The following CACNA2D2 variants were observed in gnomAD, a reference collection of about 807,000 sequenced individuals.
The protein encoded by CACNA2D2 is voltage-dependent calcium channel subunit alpha-2/delta-2.
CACNA2D2 carries 48 observed loss-of-function variants against 166.4 expected under a neutral mutation model. The observed-to-expected ratio is 0.29, with a 90% CI of 0.23 to 0.37. The LOEUF (loss-of-function observed/expected upper bound fraction) is 0.37. Ranked by LOEUF, CACNA2D2 falls within the 10% of genes least tolerant of loss-of-function variation. The pLI is 1.00. For missense variants in CACNA2D2, 1,122 were observed against 1,433.0 expected (o/e 0.78, Z 3.50); for synonymous variants, 561 against 573.7 (o/e 0.98, Z 0.32).
At position 50,363,478 on chromosome 3, in the gene CACNA2D2, G is replaced by GTGTGTGTC. The variant is rs2109389236; in HGVS notation, c.*1187_*1188insGACACACA. 2.8e-6 allele frequency: 1 copy of GTGTGTGTC among 351,148 alleles called. No homozygotes were observed. The highest frequency in any genetic ancestry group is 1.1e-4 in the East Asian group (1 of 8,900). The allele number at this position is 351,148 out of a possible 1,614,324, so 21.8% of individuals were successfully genotyped here. On this transcript the variant is annotated 3_prime_UTR_variant, in exon 38 of 38. Coordinates refer to ENST00000424201, the MANE Select transcript of CACNA2D2 (RefSeq NM_006030.4). ...GCCCAGTCCCCACCTGTGTGTGTGT[G>GTGTGTGTC]TGTGTGTGTGTGTTCAGCAAGGGAG...
intron 2 of CACNA2D2, among the ~76,000 whole-genome samples, chr3:50,444,897 G>A (rs1443650365): frequency 6.6e-6 from 1 of 152,170 alleles, no homozygotes; most frequent in Non-Finnish European, 1.5e-5. Flanking sequence ...GCAGCAGCAG[G>A]CACATGCACT....
chr3:50,402,542 C>G (rs1448529412), intron 3 of CACNA2D2, among the ~76,000 whole-genome samples: 2 of 152,224 alleles, frequency 1.3e-5, no homozygotes, highest in African/African-American at 4.8e-5. Context: ...CACATTTGAA[C>G]TGTGGCTTCA....
At chr3:50,433,242 G>A (rs974479461) in intron 3 of CACNA2D2, among the ~76,000 whole-genome samples, 1 of 152,158 alleles carries the variant, frequency 6.6e-6, no homozygotes, top group Admixed American at 6.5e-5. Flanking sequence ...TCATAGAAAT[G>A]GGATCACACA....
At chr3:50,373,054 A>C (rs1704745063) in intron 22 of CACNA2D2, 1 of 1,534,708 alleles carries the variant, frequency 6.5e-7, no homozygotes, top group South Asian at 1.2e-5. Context: ...ACTGGTTCTG[A>C]ATATACTTGC....
chr3:50,461,518 G>A (rs1709580150), intron 2 of CACNA2D2, among the ~76,000 whole-genome samples: 1 of 152,104 alleles, frequency 6.6e-6, no homozygotes, highest in South Asian at 2.1e-4. Context: ...CAGGCAGGTG[G>A]ATCACTTGAG....
In CACNA2D2 at chr3:50,379,502, T is replaced by A; in HGVS notation, c.1082A>T (p.Gln361Leu). 1 of 1,614,026 alleles carries A rather than the reference T, an allele frequency of 6.2e-7. No homozygotes were observed. Among genetic ancestry groups the A allele is most frequent in the Non-Finnish European group, 8.5e-7 (1 of 1,180,044 alleles). Residue 361 changes from glutamine (Q) to leucine (L), a missense_variant, in exon 11 of 38, where the codon CAG (glutamine) becomes CTG (leucine). This residue lies in a region of CACNA2D2 where 840 missense variants were observed against 1,166.8 expected (regional missense o/e 0.72). Transcript: ENST00000424201. This position sits in a 1 kb window ranked among gnomAD's most constrained non-coding sequence, Gnocchi z 6.5. ...RNKKVFKEAV[Q>L]GMVAKGTTGY... ...TGTGGTGCCCTTGGCCACCATGCCC[T>A]GCACAGCTTCCTTGAACACCTTCTT...
At chr3:50,454,178 GCT>G (rs1487541075) in intron 2 of CACNA2D2, among the ~76,000 whole-genome samples, 1 of 152,240 alleles carries the variant, frequency 6.6e-6, no homozygotes, top group Non-Finnish European at 1.5e-5. Context: ...CCTCAGCCAG[GCT>G]CCGGAAGCCT....
intron 2 of CACNA2D2, among the ~76,000 whole-genome samples, chr3:50,470,467 A>G (rs2107059933): frequency 6.6e-6 from 1 of 152,240 alleles, no homozygotes; most frequent in Middle Eastern, 3.4e-3. Flanking sequence ...GTGGAAGGAT[A>G]TGGGCGACCT....
chr3:50,413,880 A>C (rs1322042452), intron 3 of CACNA2D2, among the ~76,000 whole-genome samples: 2 of 138,638 alleles, frequency 1.4e-5, no homozygotes, highest in Non-Finnish European at 3.0e-5. Context: ...CCTCAGCTGC[A>C]TGAAGCAGAA....
At position 50,366,857 on chromosome 3, in the gene CACNA2D2, G is replaced by A. The variant is rs1302325175; in HGVS notation, c.2563C>T (p.Arg855Cys). Residue 855 changes from arginine (R) to cysteine (C), a missense_variant, in exon 29 of 38, where the codon CGT becomes TGT. Arg to Cys is a radical substitution (Grantham distance 180). This residue lies in a region of CACNA2D2 where 840 missense variants were observed against 1,166.8 expected (regional missense o/e 0.72). Coordinates refer to ENST00000424201, the MANE Select transcript of CACNA2D2 (RefSeq NM_006030.4). The surrounding 1 kb of genome is among the most constrained non-coding windows in gnomAD (Gnocchi z 5.9). The stretch of plus-strand genomic sequence containing the variant: ...TTCTGAGGCTGGTCTTGGTGGGTAC[G>A]GTTGCTGGCTAGCACCTTGAACTTC... ...AEKFKVLASN[R>C]THQDQPQKCG... 4 of 1,613,366 alleles carry A rather than the reference G, an allele frequency of 2.5e-6. No individual in the cohort carries two copies. The highest frequency in any genetic ancestry group is 2.2e-5 in the South Asian group (2 of 91,070).
chr3:50,470,262 G>C (rs1710010275), intron 2 of CACNA2D2, among the ~76,000 whole-genome samples: 1 of 152,220 alleles, frequency 6.6e-6, no homozygotes, highest in Non-Finnish European at 1.5e-5. Context: ...AAGAGAGGAG[G>C]CCTGACAGGG....
chr3:50,473,945 A>G (rs1435933844), intron 2 of CACNA2D2, among the ~76,000 whole-genome samples: 1 of 152,240 alleles, frequency 6.6e-6, no homozygotes, highest in Non-Finnish European at 1.5e-5. Flanking sequence ...ACTCCACCAG[A>G]GTGCCAGGAG....
Position 50,378,945 on chromosome 3 carries a change from G to A in CACNA2D2, c.1309C>T (p.Pro437Ser). Residue 437 changes from proline (P) to serine (S), a missense_variant, in exon 13 of 38, where the codon CCG becomes TCG. Pro to Ser is a moderately conservative substitution (Grantham distance 74, BLOSUM62 -1). Coordinates refer to ENST00000424201, the MANE Select transcript of CACNA2D2 (RefSeq NM_006030.4). The stretch of plus-strand genomic sequence containing the variant: ...TTGGCACAGGCCATCCACTGCAGCG[G>A]TGTGACGTCATAGTTATGCTGCCCC... The part of the protein sequence containing the change: ...SVGQHNYDVT[P>S]LQWMACANKG... 1 of 1,613,910 alleles carries A rather than the reference G, an allele frequency of 6.2e-7. No individual in the cohort carries two copies. The highest frequency in any genetic ancestry group is 8.5e-7 in the Non-Finnish European group (1 of 1,180,046).
intron 3 of CACNA2D2, among the ~76,000 whole-genome samples, chr3:50,414,047 C>T (rs1707157082): frequency 6.6e-6 from 1 of 152,030 alleles, no homozygotes; most frequent in Non-Finnish European, 1.5e-5. Flanking sequence ...GGCCATCTGT[C>T]TTCCAAAGCC....
At chr3:50,386,210 C>T (rs587699250) in intron 5 of CACNA2D2, among the ~76,000 whole-genome samples, 9 of 152,240 alleles carry the variant, frequency 5.9e-5, no homozygotes, top group Non-Finnish European at 8.8e-5. Context: ...CAAGGGGCTA[C>T]GGGCAAGGAG....
chr3:50,481,626 G>A (rs1392540132), intron 1 of CACNA2D2, among the ~76,000 whole-genome samples: 2 of 152,162 alleles, frequency 1.3e-5, no homozygotes, highest in Admixed American at 1.3e-4. Flanking sequence ...TGGCAATGGC[G>A]GGGCCCCACG....
intron 2 of CACNA2D2, among the ~76,000 whole-genome samples, chr3:50,451,029 C>A (rs1436506660): frequency 6.6e-6 from 1 of 152,208 alleles, no homozygotes; most frequent in Admixed American, 6.5e-5. Flanking sequence ...CAGTCCATGA[C>A]CTCTGTAGGG....
At position 50,476,099 on chromosome 3, in the gene CACNA2D2, C is replaced by T; in HGVS notation, c.288+19G>A. ...TGGAAGAGGGTCCCTGAAGAGACAGCAAGTGGCACCGGGCTCACCTCACGG... is the reference window on the plus strand; with the variant it reads ...TGGAAGAGGGTCCCTGAAGAGACAGTAAGTGGCACCGGGCTCACCTCACGG... On this transcript the variant is annotated intron_variant, in intron 2 of 37. Transcript: ENST00000424201. 1 of 1,576,600 alleles carries T rather than the reference C, an allele frequency of 6.3e-7. No individual in the cohort carries two copies. Among genetic ancestry groups the T allele is most frequent in the Admixed American group, 1.8e-5 (1 of 56,776 alleles).
At chr3:50,436,333 C>T (rs1329137280) in intron 2 of CACNA2D2, among the ~76,000 whole-genome samples, 1 of 152,220 alleles carries the variant, frequency 6.6e-6, no homozygotes, top group East Asian at 1.9e-4. Context: ...CAGGTGCAGC[C>T]ACAGTCTGGG....
Sources: allele counts gnomAD v4.1 joint callset (sites outside exome capture counted in the v4.1 genomes callset), GRCh38; gene constraint gnomAD v4.1.1; regional missense constraint gnomAD v4.1.1; non-coding constraint Gnocchi (gnomAD v3.1); transcripts MANE v1.5; gene names NCBI Gene and HGNC (gene_info 2026-07-23, HGNC 2026-07-21).